The following AFDN variants were observed in gnomAD, a reference collection of about 807,000 sequenced individuals.
AFDN encodes afadin.
Under a neutral mutation model 216.6 loss-of-function variants are expected in AFDN, and 68 were observed. The ratio of observed to expected loss-of-function variants is 0.31; its 90% CI spans 0.26 to 0.38. The LOEUF is 0.38. AFDN is among the 10% of genes least tolerant of loss of function. The pLI is 1.00. For missense variants in AFDN, 2,136 were observed against 2,342.0 expected, an observed-to-expected ratio of 0.91 and a Z score of 1.82; for synonymous variants, 868 against 853.7, an observed-to-expected ratio of 1.02 and a Z score of -0.29.
chr6:167,875,476 A>C lies in AFDN; in HGVS notation c.720A>C (p.Ser240=), dbSNP rs1422136027. The C allele has an allele frequency of 6.2e-7, 1 of 1,613,818 alleles. No homozygotes were observed. Among genetic ancestry groups the C allele is most frequent in the Non-Finnish European group, 8.5e-7 (1 of 1,179,872 alleles). Residue 240 remains serine (S), a synonymous_variant, in exon 5 of 34, where the codon TCA becomes TCC. Transcript: ENST00000683244. ...AGAGAATGCAGGAATTTCGGAGCTC[A>C]GATGGGCGGCCTGATTCAGGTACAA... ...LEKRMQEFRS[S]DGRPDSGGTL... is the part of the protein sequence containing the mutation.
intron 4 of AFDN, among the ~76,000 whole-genome samples, chr6:167,874,845 C>A (rs1366904042): frequency 1.3e-5 from 2 of 152,042 alleles, no homozygotes; most frequent in South Asian, 2.1e-4. Flanking sequence ...CAACTCCCGA[C>A]CTCAGATTAT....
At chr6:167,947,999 C>T (rs867739646) in intron 28 of AFDN, 55 bp downstream of exon 28, 1 of 1,315,390 alleles carries the variant, frequency 7.6e-7, no homozygotes, top group East Asian at 2.3e-5. Flanking sequence ...CTTAGGGTTC[C>T]CTTTGGACAT....
chr6:167,914,079 A>G (rs1055139537), intron 16 of AFDN, 89 bp from the exon 17 acceptor site: 4 of 1,446,270 alleles, frequency 2.8e-6, no homozygotes, highest in South Asian at 1.3e-5. Flanking sequence ...GTACTGGTCT[A>G]TCTTCAGCAG....
At position 167,946,777 on chromosome 6, in the gene AFDN, T is replaced by A. The variant is rs202119273; in HGVS notation, c.3429T>A (p.Thr1143=). Reference sequence around the variant, plus strand: ...GCTTTGAGCTCTATAATAATTCAACTCAAAATGGGTCTCCTGAGAGTCCTC... The same window carrying A: ...GCTTTGAGCTCTATAATAATTCAACACAAAATGGGTCTCCTGAGAGTCCTC... ...SEGFELYNNS[T]QNGSPESPQL... The change falls in exon 27 of 34, where the codon ACT becomes ACA. Residue 1143 remains threonine, a synonymous_variant. Transcript: ENST00000683244. 9.2e-5 allele frequency: 149 copies of A among 1,613,910 alleles called. No individual in the cohort carries two copies. The highest frequency in any genetic ancestry group is 5.2e-4 in the Admixed American group (31 of 59,978).
intron 23 of AFDN, among the ~76,000 whole-genome samples, chr6:167,928,577 T>G (rs1429661667): frequency 6.6e-6 from 1 of 152,118 alleles, no homozygotes; most frequent in Non-Finnish European, 1.5e-5. Flanking sequence ...GTGCAAAAGG[T>G]GTCAGGAAAA....
rs188329978 is a variant in AFDN, at chr6:167,914,151, G to A, written c.2059-17G>A. On this transcript the variant is annotated splice_polypyrimidine_tract_variant and intron_variant, in intron 16 of 33. Transcript: ENST00000683244. ...TGTTTATTCTCTGTTGCTTATGGAAGTGTGTTCTGTCTACAGAAACAGAAG... is the reference window on the plus strand; with the variant it reads ...TGTTTATTCTCTGTTGCTTATGGAAATGTGTTCTGTCTACAGAAACAGAAG... The A allele has an allele frequency of 6.2e-7, 1 of 1,612,098 alleles. No individual in the cohort carries two copies. The highest frequency in any genetic ancestry group is 1.7e-5 in the Admixed American group (1 of 59,636).
At chr6:167,870,179 T>G (rs1784636884) in intron 2 of AFDN, among the ~76,000 whole-genome samples, 1 of 152,258 alleles carries the variant, frequency 6.6e-6, no homozygotes, top group Non-Finnish European at 1.5e-5. Flanking sequence ...GTTCAGTGTC[T>G]GGCACTGGAT....
At chr6:167,893,979 G>T in intron 9 of AFDN, 73 bp downstream of exon 9, 3 of 1,118,554 alleles carry the variant, frequency 2.7e-6, no homozygotes, top group South Asian at 2.7e-5. Context: ...AGTGTTGAAT[G>T]ACCAAATATC....
chr6:167,884,312 C>T (rs926173378), intron 6 of AFDN, among the ~76,000 whole-genome samples: 2 of 152,122 alleles, frequency 1.3e-5, no homozygotes, highest in African/African-American at 4.8e-5. Context: ...TTCCTTATCC[C>T]GTGAATCATG....
rs76547982 is a variant in AFDN at position 167,914,744 on chromosome 6, G to C, written c.2299+6G>C. ...TCTGCAACGACCAAAAATAGGTTAG[G>C]ATGTTTTCTGACTGTCTCCCTCTAT... On this transcript the variant is annotated splice_donor_region_variant and intron_variant, in intron 18 of 33. Coordinates refer to ENST00000683244, the MANE Select transcript of AFDN (RefSeq NM_001386888.1). 9.9e-5 allele frequency: 156 copies of C among 1,579,426 alleles called. No homozygotes were observed. The African/African-American group carries it at 1.8e-3, about 18-fold the overall frequency.
chr6:167,965,774 G>A lies in AFDN; in HGVS notation c.4986G>A (p.Gly1662=), dbSNP rs1389017791. The part of the protein sequence containing the change: ...DAEEKRRQEE[G]YYSRLEAERR... ...GCCCGCAGAGGCGACAGGAAGAAGG[G>A]TATTACAGCCGCCTGGAAGCCGAGA... is the stretch of plus-strand genomic sequence containing the variant. Residue 1662 remains glycine, a synonymous_variant, in exon 32 of 34, where the codon GGG becomes GGA. Transcript: ENST00000683244. The A allele has an allele frequency of 6.4e-7, 1 of 1,557,068 alleles. No individual in the cohort carries two copies. The highest frequency in any genetic ancestry group is 1.9e-5 in the Admixed American group (1 of 52,824).
At chr6:167,873,187 G>C (rs1784970562) in intron 4 of AFDN, among the ~76,000 whole-genome samples, 1 of 152,142 alleles carries the variant, frequency 6.6e-6, no homozygotes, top group African/African-American at 2.4e-5. Context: ...TTGCCAAAAA[G>C]GGTGAAGAAC....
intron 16 of AFDN, chr6:167,913,890 A>G (rs1790718497): frequency 2.1e-6 from 1 of 477,680 alleles, no homozygotes; most frequent in South Asian, 2.9e-5. Flanking sequence ...ATATTATTTG[A>G]TATCTCCATT....
Position 167,907,242 on chromosome 6 carries a change from G to A in AFDN, c.1722G>A (p.Pro574=), listed in dbSNP as rs1049170983. ...CAGCCGAGCGGGGAATGGTGAAGCCGATGATCAGAGTAGAACAGCAGCCAG... is the reference window on the plus strand; with the variant it reads ...CAGCCGAGCGGGGAATGGTGAAGCCAATGATCAGAGTAGAACAGCAGCCAG... ...SSTAERGMVK[P]MIRVEQQPDY... The change falls in exon 13 of 34, where the codon CCG becomes CCA. Residue 574 remains proline (P), a synonymous_variant. Transcript: ENST00000683244. 8 of 1,614,190 alleles carry A rather than the reference G, an allele frequency of 5.0e-6. No homozygotes were observed. The highest frequency in any genetic ancestry group is 1.3e-5 in the African/African-American group (1 of 75,048).
chr6:167,954,306 T>C (rs1446152847), intron 30 of AFDN, among the ~76,000 whole-genome samples: 1 of 152,350 alleles, frequency 6.6e-6, no homozygotes, highest in East Asian at 1.9e-4. Context: ...TAGAAGTTAG[T>C]CTGTAGTTCT....
At chr6:167,948,564 A>G (rs1795608152) in intron 29 of AFDN, 86 bp downstream of exon 29, 1 of 1,297,564 alleles carries the variant, frequency 7.7e-7, no homozygotes, top group South Asian at 1.6e-5. Context: ...TTTTCTATAG[A>G]ACAGCATTGT....
rs79143584 is a variant in AFDN at position 167,831,448 on chromosome 6, C to T, written c.105+4211C>T. Among the ~76,000 whole-genome samples the T allele has an allele frequency of 1.9e-3, 290 of 152,086 alleles. 1 individual carries two copies. The highest frequency in any genetic ancestry group is 0.016 in the South Asian group (75 of 4,820). On this transcript the variant is annotated intron_variant, in intron 1 of 33. Transcript: ENST00000683244. Reference sequence around the variant, plus strand: ...AACTGGTTACGTTTTATGTTTGATTCGGTGTGTTCTTGTAAGTCTGAGGGA... The same window carrying T: ...AACTGGTTACGTTTTATGTTTGATTTGGTGTGTTCTTGTAAGTCTGAGGGA...
intron 32 of AFDN, among the ~76,000 whole-genome samples, chr6:167,967,093 A>G (rs886433606): frequency 6.6e-6 from 1 of 152,246 alleles, no homozygotes; most frequent in African/African-American, 2.4e-5. Flanking sequence ...CATGTTTAAA[A>G]TATAGCTGAA....
chr6:167,906,059 C>T (rs535997252), intron 12 of AFDN, among the ~76,000 whole-genome samples: 6 of 152,208 alleles, frequency 3.9e-5, no homozygotes, highest in Non-Finnish European at 5.9e-5. Context: ...GCTGAGATCG[C>T]GCCACTGCAC....
Sources: gnomAD v4.1 joint callset for allele counts (sites outside exome capture counted in the v4.1 genomes callset) on GRCh38, gnomAD v4.1.1 for gene constraint, MANE v1.5 for transcripts, NCBI Gene and HGNC (gene_info 2026-07-23, HGNC 2026-07-21) for gene names.